Variants in CD200R1 observed in about 807,000 individuals in gnomAD.
CD200R1 encodes the protein CD200 receptor 1.
Under a neutral mutation model 38.1 loss-of-function variants are expected in CD200R1, and 30 were observed. The observed-to-expected ratio is 0.79, with a 90% CI of 0.59 to 1.07. CD200R1 has a LOEUF of 1.07. Ranked by LOEUF, CD200R1 falls within the 50% of genes least tolerant of loss-of-function variation. The pLI is 0.00. For synonymous variants in CD200R1, 128 were observed against 152.1 expected (o/e 0.84, Z 1.16); for missense variants, 372 against 415.4 (o/e 0.90, Z 0.91).
intron 1 of CD200R1, among the ~76,000 whole-genome samples, chr3:112,954,535 T>C (rs1941042967): frequency 6.6e-6 from 1 of 152,184 alleles, no homozygotes; most frequent in South Asian, 2.1e-4. Context: ...GGGTTGACTT[T>C]CAGCCCCACC....
At chr3:112,955,590 C>A (rs922468480) in intron 1 of CD200R1, among the ~76,000 whole-genome samples, 4 of 150,824 alleles carry the variant, frequency 2.7e-5, no homozygotes, top group African/African-American at 4.9e-5. Flanking sequence ...CTCACTGCAA[C>A]CTCCACCTCC....
intron 1 of CD200R1, among the ~76,000 whole-genome samples, chr3:112,973,463 T>G (rs1933359747): frequency 1.3e-5 from 2 of 152,232 alleles, no homozygotes; most frequent in Non-Finnish European, 2.9e-5. Flanking sequence ...TGGCACATAC[T>G]AGTCATATCT....
At chr3:112,934,754 G>A (rs571503033) in intron 2 of CD200R1, among the ~76,000 whole-genome samples, 11 of 152,024 alleles carry the variant, frequency 7.2e-5, no homozygotes, top group Admixed American at 2.0e-4. Context: ...TGCTTGAACC[G>A]GGGAAGCAGA....
chr3:112,971,416 G>C (rs890413082), intron 1 of CD200R1, among the ~76,000 whole-genome samples: 1 of 151,994 alleles, frequency 6.6e-6, no homozygotes, highest in South Asian at 2.1e-4. Flanking sequence ...GTATCTGTAG[G>C]AATTTTCCTC....
intron 1 of CD200R1, 115 bp downstream of exon 1, chr3:112,974,676 C>T (rs970700094): frequency 2.8e-6 from 2 of 724,244 alleles, no homozygotes; most frequent in African/African-American, 3.5e-5. Flanking sequence ...TTAGCAACCC[C>T]CTATATTTAT....
At chr3:112,959,518 T>C (rs944966191) in intron 1 of CD200R1, among the ~76,000 whole-genome samples, 1 of 152,164 alleles carries the variant, frequency 6.6e-6, no homozygotes, top group Non-Finnish European at 1.5e-5. Context: ...GTAGAATTCA[T>C]TCTAATTGCT....
chr3:112,960,615 T>C (rs1932993538), intron 1 of CD200R1, among the ~76,000 whole-genome samples: 1 of 151,860 alleles, frequency 6.6e-6, no homozygotes, highest in Admixed American at 6.6e-5. Context: ...AAAAAGACAA[T>C]ATAAATGTTA....
At chr3:112,964,401 G>A (rs1038860485) in intron 1 of CD200R1, among the ~76,000 whole-genome samples, 1 of 152,190 alleles carries the variant, frequency 6.6e-6, no homozygotes, top group African/African-American at 2.4e-5. Flanking sequence ...AAGCCACAGG[G>A]GCAGAGCTAC....
chr3:112,964,273 C>T (rs932466105), intron 1 of CD200R1, among the ~76,000 whole-genome samples: 1 of 152,214 alleles, frequency 6.6e-6, no homozygotes, highest in Non-Finnish European at 1.5e-5. Flanking sequence ...AAGAGGGCCA[C>T]CATACTCCAG....
At chr3:112,933,029 A>C (rs1313944137) in intron 2 of CD200R1, among the ~76,000 whole-genome samples, 1 of 152,078 alleles carries the variant, frequency 6.6e-6, no homozygotes. Flanking sequence ...CAGATTGTGC[A>C]TTCACCCCCA....
chr3:112,925,385 C>T (rs985168411), intron 5 of CD200R1, among the ~76,000 whole-genome samples, 192 bp from the exon 6 acceptor site: 4 of 151,828 alleles, frequency 2.6e-5, no homozygotes, highest in East Asian at 3.9e-4. Flanking sequence ...TAAGACATTA[C>T]GGAAAAGATA....
intron 2 of CD200R1, among the ~76,000 whole-genome samples, chr3:112,940,415 C>T (rs1023602887): frequency 2.0e-5 from 3 of 151,722 alleles, no homozygotes; most frequent in Admixed American, 1.3e-4. Flanking sequence ...AAATATTCAT[C>T]CAACAAAAGA....
intron 1 of CD200R1, among the ~76,000 whole-genome samples, chr3:112,958,770 A>G (rs899394128): frequency 6.6e-6 from 1 of 152,206 alleles, no homozygotes; most frequent in African/African-American, 2.4e-5. Context: ...ACTGAAAATA[A>G]TGTTTTTTAA....
chr3:112,946,032 CAAAAAA>C (rs1208921538), intron 2 of CD200R1, among the ~76,000 whole-genome samples: 1 of 71,822 alleles, frequency 1.4e-5, no homozygotes, highest in East Asian at 4.2e-4. Flanking sequence ...GACTCCGTCT[CAAAAAA>C]AAAAAAAAAA....
At chr3:112,943,403 G>A (rs1300697098) in intron 2 of CD200R1, among the ~76,000 whole-genome samples, 1 of 151,638 alleles carries the variant, frequency 6.6e-6, no homozygotes, top group African/African-American at 2.4e-5. Context: ...GAAACCTAAA[G>A]AGAAATTTTA....
intron 5 of CD200R1, among the ~76,000 whole-genome samples, chr3:112,928,534 C>A (rs574183796): frequency 6.6e-6 from 1 of 152,058 alleles, no homozygotes; most frequent in South Asian, 2.1e-4. Context: ...TTTCAATAAG[C>A]CATAAGTATT....
chr3:112,953,024 T>C (rs1344140778), intron 1 of CD200R1, among the ~76,000 whole-genome samples: 1 of 152,190 alleles, frequency 6.6e-6, no homozygotes, highest in Non-Finnish European at 1.5e-5. Context: ...GTGGGCATCC[T>C]TGTCTTGTTT....
chr3:112,969,094 A>C (rs1933236133), intron 1 of CD200R1, among the ~76,000 whole-genome samples: 1 of 152,214 alleles, frequency 6.6e-6, no homozygotes, highest in Non-Finnish European at 1.5e-5. Context: ...GAATGAATAA[A>C]AACACAGAAA....
chr3:112,960,736 G>A (rs943044443), intron 1 of CD200R1, among the ~76,000 whole-genome samples: 1 of 151,970 alleles, frequency 6.6e-6, no homozygotes, highest in Admixed American at 6.6e-5. Context: ...TTAACGCAGA[G>A]GTTGGGGGAT....
Sources: allele counts gnomAD v4.1 joint callset (sites outside exome capture counted in the v4.1 genomes callset), GRCh38; gene constraint gnomAD v4.1.1; transcripts MANE v1.5; gene names NCBI Gene and HGNC (gene_info 2026-07-23, HGNC 2026-07-21).